The following IFT80 variants were observed in gnomAD, a reference collection of about 807,000 sequenced individuals.
The protein encoded by IFT80 is intraflagellar transport protein 80 homolog.
In IFT80, 79 loss-of-function variants were observed where a neutral mutation model predicts 107.9. That is an observed-to-expected ratio of 0.73 (90% CI 0.61 to 0.88). The LOEUF (loss-of-function observed/expected upper bound fraction) is 0.88, where lower values mean the gene tolerates loss of function less well. Ranked by LOEUF, IFT80 falls within the 40% of genes least tolerant of loss-of-function variation. The pLI is 0.00. For missense variants in IFT80, 797 were observed against 914.2 expected (o/e 0.87, Z 1.65); for synonymous variants, 299 against 300.9 (o/e 0.99, Z 0.07).
chr3:160,390,787 C>T (rs766333639), intron 1 of IFT80, among the ~76,000 whole-genome samples: 5 of 152,180 alleles, frequency 3.3e-5, no homozygotes, highest in African/African-American at 1.2e-4. Context: ...ATTATAATAT[C>T]ATCAACCTAC....
At chr3:160,347,593 G>C (rs1720382208) in intron 8 of IFT80, among the ~76,000 whole-genome samples, 1 of 151,838 alleles carries the variant, frequency 6.6e-6, no homozygotes, top group Non-Finnish European at 1.5e-5. Context: ...AACAACAATG[G>C]GTATACCTTT....
chr3:160,286,778 T>G (rs533289627), intron 12 of IFT80, among the ~76,000 whole-genome samples: 2 of 152,308 alleles, frequency 1.3e-5, no homozygotes, highest in East Asian at 3.9e-4. Context: ...AGGCAACGTG[T>G]TATGTGCTAC....
intron 8 of IFT80, among the ~76,000 whole-genome samples, chr3:160,330,258 T>C (rs1005606871): frequency 6.6e-6 from 1 of 152,174 alleles, no homozygotes; most frequent in African/African-American, 2.4e-5. Context: ...GGTCTGGATG[T>C]GTGTTTAAAA....
At chr3:160,296,397 G>A (rs2108260780) in intron 12 of IFT80, among the ~76,000 whole-genome samples, 1 of 152,014 alleles carries the variant, frequency 6.6e-6, no homozygotes, top group Non-Finnish European at 1.5e-5. Flanking sequence ...TTTCGCCAAA[G>A]GAGTGTCTAT....
chr3:160,350,378 T>C (rs1720590096), intron 8 of IFT80, among the ~76,000 whole-genome samples: 1 of 146,460 alleles, frequency 6.8e-6, no homozygotes, highest in African/African-American at 2.6e-5. Flanking sequence ...ATATTGCCAC[T>C]GCACTCCAGC....
Position 160,279,369 on chromosome 3 carries a change from TG to T in IFT80, c.1665-6del, listed in dbSNP as rs747849008. 25 of 1,611,112 alleles carry T rather than the reference TG, an allele frequency of 1.6e-5. No homozygotes were observed. The Admixed American group carries it at 4.0e-4, about 26-fold the overall frequency. On this transcript the variant is annotated splice_region_variant and splice_polypyrimidine_tract_variant and intron_variant, in intron 15 of 19. Coordinates refer to ENST00000326448, the MANE Select transcript of IFT80 (RefSeq NM_020800.3). ...TGGGGATTTTTACTAAATTCACTGT[TG>T]AAAAAAAAAGCAAAGTACAATTTAA... is the stretch of plus-strand genomic sequence containing the variant.
chr3:160,352,123 C>A (rs1299657836), intron 8 of IFT80, among the ~76,000 whole-genome samples: 1 of 151,598 alleles, frequency 6.6e-6, no homozygotes, highest in Middle Eastern at 3.4e-3. Context: ...TCACGCCATT[C>A]TCCTGCCTCA....
chr3:160,325,823 A>T (rs774772738), intron 8 of IFT80, among the ~76,000 whole-genome samples: 2 of 152,064 alleles, frequency 1.3e-5, no homozygotes, highest in Non-Finnish European at 2.9e-5. Context: ...GGCCTGTCAC[A>T]TGAGGTCAAG....
chr3:160,275,078 G>A (rs1201965260), intron 18 of IFT80, among the ~76,000 whole-genome samples: 2 of 152,110 alleles, frequency 1.3e-5, no homozygotes, highest in African/African-American at 4.8e-5. Flanking sequence ...TTGTAAAATG[G>A]GGCTGGTAAT....
At chr3:160,304,496 C>A (rs573433265) in intron 10 of IFT80, among the ~76,000 whole-genome samples, 1 of 146,344 alleles carries the variant, frequency 6.8e-6, no homozygotes, top group Non-Finnish European at 1.5e-5. Flanking sequence ...AGTCCAGTGG[C>A]ACAATCTCGG....
At chr3:160,310,221 T>C (rs1221145941) in intron 9 of IFT80, among the ~76,000 whole-genome samples, 2 of 152,178 alleles carry the variant, frequency 1.3e-5, no homozygotes, top group African/African-American at 4.8e-5. Flanking sequence ...AAACATCTTG[T>C]CACATCAGAA....
intron 12 of IFT80, among the ~76,000 whole-genome samples, chr3:160,294,932 A>G (rs759270289): frequency 4.6e-5 from 7 of 152,230 alleles, no homozygotes; most frequent in African/African-American, 1.7e-4. Flanking sequence ...TTATTTTAGC[A>G]TTACTTCTAA....
At chr3:160,394,278 T>C (rs115039849) in intron 1 of IFT80, 1 of 151,624 alleles carries the variant, frequency 6.6e-6, no homozygotes, top group Non-Finnish European at 1.5e-5. Flanking sequence ...GGGCCACACA[T>C]AAAATACACT....
chr3:160,365,048 G>GT (rs1389623027), intron 6 of IFT80, among the ~76,000 whole-genome samples: 4 of 150,936 alleles, frequency 2.7e-5, no homozygotes, highest in African/African-American at 9.7e-5. Flanking sequence ...ATAAACTAAA[G>GT]GTATAAACTA....
At position 160,367,112 on chromosome 3, in the gene IFT80, A is replaced by AT. The variant is rs372362049; in HGVS notation, c.440-961dup. 1.7e-4 allele frequency among the ~76,000 whole-genome samples: 26 copies of AT among 151,900 alleles called. No homozygotes were observed. In the East Asian group the frequency reaches 2.5e-3, roughly 15 times the overall value. ...ATGTTGTAGCAAATTATTGAATCTC[A>AT]TTTTTTTTATGGCTGAATAGTACTC... On this transcript the variant is annotated intron_variant, in intron 5 of 19. Coordinates refer to ENST00000326448, the MANE Select transcript of IFT80 (RefSeq NM_020800.3).
At chr3:160,291,313 GA>G (rs1431791909) in intron 12 of IFT80, among the ~76,000 whole-genome samples, 1 of 152,146 alleles carries the variant, frequency 6.6e-6, no homozygotes, top group Non-Finnish European at 1.5e-5. Flanking sequence ...TGATACTGGA[GA>G]CACATTCTAC....
rs2108231734 is a variant in IFT80, at chr3:160,280,892, A to T, written c.1517-78T>A. 3.1e-6 allele frequency: 4 copies of T among 1,279,452 alleles called. No individual in the cohort carries two copies. The East Asian group carries it at 1.0e-4, about 32-fold the overall frequency. 79.3% of individuals were successfully genotyped at this position (1,279,452 alleles called of 1,614,324 possible). On this transcript the variant is annotated intron_variant, in intron 14 of 19. Transcript: ENST00000326448. ...AAAATAGATCTTTAAAATGCCTGAC[A>T]AACAAAATCCCATACAATTTCTGGT... is the stretch of plus-strand genomic sequence containing the variant.
intron 8 of IFT80, among the ~76,000 whole-genome samples, chr3:160,324,856 G>A (rs1186292510): frequency 1.3e-5 from 2 of 148,272 alleles, no homozygotes; most frequent in Non-Finnish European, 3.0e-5. Context: ...GTTTGCAGAC[G>A]ACATGACTGT....
intron 5 of IFT80, among the ~76,000 whole-genome samples, chr3:160,370,068 T>C (rs547148051): frequency 6.6e-6 from 1 of 152,240 alleles, no homozygotes; most frequent in South Asian, 2.1e-4. Flanking sequence ...AAAATGTATT[T>C]CAATTGTTTT....
Sources: allele counts gnomAD v4.1 joint callset (sites outside exome capture counted in the v4.1 genomes callset), GRCh38; gene constraint gnomAD v4.1.1; transcripts MANE v1.5; gene names NCBI Gene and HGNC (gene_info 2026-07-23, HGNC 2026-07-21).